AGPAT5: variants seen among roughly 807,000 people sequenced by gnomAD.
The protein encoded by AGPAT5 is 1-acyl-sn-glycerol-3-phosphate acyltransferase epsilon.
A neutral mutation model predicts 45.6 loss-of-function variants in AGPAT5; 46 were observed. That is an observed-to-expected ratio of 1.01 (90% confidence interval 0.80 to 1.29). The LOEUF is 1.29. AGPAT5 is among the 50% of genes most tolerant of loss of function. The pLI, the probability that AGPAT5 is intolerant of heterozygous loss-of-function variation, is 0.00. For missense variants in AGPAT5, 673 were observed against 450.7 expected, an observed-to-expected ratio of 1.49 and a Z score of -4.47; for synonymous variants, 272 against 167.0, an observed-to-expected ratio of 1.63 and a Z score of -4.85.
chr8:6,757,153 C>G lies in AGPAT5; in HGVS notation c.870-10C>G, dbSNP rs760960196. The G allele has an allele frequency of 7.5e-6, 12 of 1,603,796 alleles. No homozygotes were observed. The highest frequency in any genetic ancestry group is 1.0e-5 in the Non-Finnish European group (12 of 1,173,514). ...GACTAAAATCTAAACTTTTTCCATTCTGGCCATAGGATGCTTATAGAATTT... is the reference window on the plus strand; with the variant it reads ...GACTAAAATCTAAACTTTTTCCATTGTGGCCATAGGATGCTTATAGAATTT... On this transcript the variant is annotated splice_polypyrimidine_tract_variant and intron_variant, in intron 7 of 7. Transcript: ENST00000285518.
At chr8:6,722,527 G>T (rs1032208649) in intron 1 of AGPAT5, among the ~76,000 whole-genome samples, 3 of 152,160 alleles carry the variant, frequency 2.0e-5, no homozygotes, top group African/African-American at 7.2e-5. Flanking sequence ...ATTGTGTTAT[G>T]GAGGCTAAGG....
chr8:6,717,037 G>A (rs1390265686), intron 1 of AGPAT5, among the ~76,000 whole-genome samples: 1 of 152,156 alleles, frequency 6.6e-6, no homozygotes, highest in African/African-American at 2.4e-5. Context: ...AATAGATGAA[G>A]GAGGAAGAAA....
intron 2 of AGPAT5, among the ~76,000 whole-genome samples, chr8:6,727,145 T>G (rs1406284838): frequency 2.6e-5 from 4 of 152,200 alleles, no homozygotes; most frequent in African/African-American, 9.6e-5. Context: ...ACTGTTGTTC[T>G]GCTTAGACTT....
chr8:6,738,382 A>G (rs961804363), intron 4 of AGPAT5: 2 of 152,256 alleles, frequency 1.3e-5, no homozygotes, highest in East Asian at 1.9e-4. Context: ...TCATTGGAGC[A>G]GTCAGAACAC....
chr8:6,756,012 TTATTTTA>T, intron 7 of AGPAT5, among the ~76,000 whole-genome samples: 1 of 152,352 alleles, frequency 6.6e-6, no homozygotes, highest in Admixed American at 6.5e-5. Flanking sequence ...AATGTCCTAC[TTATTTTA>T]TAAGTATTTA....
rs551479807 is a variant in AGPAT5, at chr8:6,747,914, T to G, written c.745+86T>G. Reference sequence around the variant, plus strand: ...TAGAATTCAGTTTTACAAAGTAGGTTAAGTGTACTTTTTTCCTTCATTACA... The same window carrying G: ...TAGAATTCAGTTTTACAAAGTAGGTGAAGTGTACTTTTTTCCTTCATTACA... On this transcript the variant is annotated intron_variant, in intron 6 of 7. Coordinates refer to ENST00000285518, the MANE Select transcript of AGPAT5 (RefSeq NM_018361.5). The G allele has an allele frequency of 1.9e-5, 26 of 1,401,606 alleles. No homozygotes were observed. In the African/African-American group the frequency reaches 2.9e-4, roughly 15 times the overall value. 86.8% of individuals were successfully genotyped at this position (1,401,606 alleles called of 1,614,324 possible). A position where few individuals can be genotyped will look rare whatever the true frequency, so the allele number is the denominator to read the frequency against.
chr8:6,746,633 TG>T (rs1299989831), intron 5 of AGPAT5, among the ~76,000 whole-genome samples: 1 of 152,208 alleles, frequency 6.6e-6, no homozygotes, highest in African/African-American at 2.4e-5. Context: ...GCCCCTGCCC[TG>T]GGGACTAAAG....
chr8:6,718,129 A>G (rs1220642025), intron 1 of AGPAT5, among the ~76,000 whole-genome samples: 1 of 152,218 alleles, frequency 6.6e-6, no homozygotes, highest in Non-Finnish European at 1.5e-5. Flanking sequence ...AGATACTCAG[A>G]AAAAACACAC....
intron 1 of AGPAT5, chr8:6,709,637 T>A (rs1486628573): frequency 6.6e-6 from 1 of 152,218 alleles, no homozygotes; most frequent in Non-Finnish European, 1.5e-5. Context: ...TTATTCCTAA[T>A]GTCCACCTAG....
chr8:6,724,750 T>C (rs1388355551), intron 1 of AGPAT5, 120 bp from the exon 2 acceptor site: 1 of 347,560 alleles, frequency 2.9e-6, no homozygotes, highest in Admixed American at 4.3e-5. Flanking sequence ...AATCTAATTT[T>C]TGTTAATCAT....
chr8:6,753,209 CGTCTTA>C (rs1801714956), intron 6 of AGPAT5, among the ~76,000 whole-genome samples: 1 of 152,218 alleles, frequency 6.6e-6, no homozygotes, highest in Non-Finnish European at 1.5e-5. Context: ...CCAAAGCTGA[CGTCTTA>C]GTAGAGGCCC....
chr8:6,724,820 T>C (rs751247809), intron 1 of AGPAT5, 50 bp from the exon 2 acceptor site: 1 of 559,448 alleles, frequency 1.8e-6, no homozygotes, highest in Non-Finnish European at 2.9e-6. Flanking sequence ...CTTTGTATAT[T>C]ACAGATGTTT....
chr8:6,709,030 C>T, intron 1 of AGPAT5, 143 bp downstream of exon 1: 1 of 806,364 alleles, frequency 1.2e-6, no homozygotes, highest in Non-Finnish European at 2.1e-6. Context: ...TCCCCGCCTT[C>T]CTCTCCGCAT....
In AGPAT5 at chr8:6,757,590, G is replaced by A; in HGVS notation, c.*202G>A. The A allele has an allele frequency of 9.2e-6, 5 of 541,198 alleles. No homozygotes were observed. The highest frequency in any genetic ancestry group is 4.9e-5 in the South Asian group (2 of 40,978). 33.5% of individuals were successfully genotyped at this position (541,198 alleles called of 1,614,324 possible). ...CCTGGTTGTACAACTTTAGCATCGG[G>A]GCTGCTGGAAGGGTAAAAGCTAAAT... On this transcript the variant is annotated 3_prime_UTR_variant, in exon 8 of 8. Coordinates refer to ENST00000285518, the MANE Select transcript of AGPAT5 (RefSeq NM_018361.5).
chr8:6,746,472 A>G (rs1461164523), intron 5 of AGPAT5, among the ~76,000 whole-genome samples: 2 of 152,234 alleles, frequency 1.3e-5, no homozygotes, highest in Non-Finnish European at 2.9e-5. Context: ...TGAACACCAC[A>G]GAGTGATATT....
At chr8:6,756,609 CAA>C (rs11300826) in intron 7 of AGPAT5, among the ~76,000 whole-genome samples, 4,998 of 122,908 alleles carry the variant, frequency 0.041, 208 homozygotes, top group African/African-American at 0.13. Context: ...TGCCTTTTTT[CAA>C]AAAAAAAAAA....
intron 5 of AGPAT5, among the ~76,000 whole-genome samples, chr8:6,742,738 A>G (rs533690122): frequency 6.6e-6 from 1 of 152,220 alleles, no homozygotes; most frequent in South Asian, 2.1e-4. Flanking sequence ...ACAAGAGCAG[A>G]TATGTCATAG....
rs555352519 is a variant in AGPAT5, at chr8:6,735,490, C to G, written c.495+2840C>G. On this transcript the variant is annotated intron_variant, in intron 4 of 7. Transcript: ENST00000285518. ...CCACTGGCTCATACTTGGCTTTCTG[C>G]AAAATTGTTAAAATTTTTAGCTAAA... 2.0e-5 allele frequency among the ~76,000 whole-genome samples: 3 copies of G among 152,324 alleles called. No homozygotes were observed. The South Asian group carries it at 6.2e-4, about 32-fold the overall frequency.
In AGPAT5 at chr8:6,730,758, G is replaced by C; in HGVS notation, c.337G>C (p.Gly113Arg). Residue 113 changes from glycine (G) to arginine (R), a missense_variant, in exon 3 of 8, where the codon GGA (glycine) becomes CGA (arginine). Coordinates refer to ENST00000285518, the MANE Select transcript of AGPAT5 (RefSeq NM_018361.5). The part of the protein sequence containing the change: ...DILAIRQNAL[G>R]HVRYVLKEGL... ...CTTGGCCATCAGGCAGAATGCGCTA[G>C]GACATGTGCGCTACGTGCTGAAAGA... 3 of 1,613,652 alleles carry C rather than the reference G, an allele frequency of 1.9e-6. No homozygotes were observed. The highest frequency in any genetic ancestry group is 2.5e-6 in the Non-Finnish European group (3 of 1,179,664).
Sources: allele counts gnomAD v4.1 joint callset (sites outside exome capture counted in the v4.1 genomes callset), GRCh38; gene constraint gnomAD v4.1.1; transcripts MANE v1.5; gene names NCBI Gene and HGNC (gene_info 2026-07-23, HGNC 2026-07-21).